The following RGS6 variants were observed in gnomAD, a reference collection of about 807,000 sequenced individuals.
The protein encoded by RGS6 is regulator of G protein signaling 6.
A neutral mutation model predicts 78.5 loss-of-function variants in RGS6; 30 were observed. The observed-to-expected ratio is 0.38, with a 90% CI of 0.29 to 0.52. The LOEUF (loss-of-function observed/expected upper bound fraction) is 0.52, where lower values mean the gene tolerates loss of function less well. Among genes scored for constraint, RGS6 ranks in the 20% least tolerant of loss-of-function variants. RGS6 has a pLI of 0.85. For missense variants in RGS6, 495 were observed against 609.7 expected (o/e 0.81, Z 1.98); for synonymous variants, 206 against 206.0 (o/e 1.00, Z 0.00).
intron 12 of RGS6, among the ~76,000 whole-genome samples, chr14:72,483,979 A>AG (rs1217835760): frequency 6.6e-6 from 1 of 151,092 alleles, no homozygotes; most frequent in Non-Finnish European, 1.5e-5. Context: ...AAAAAAAAAA[A>AG]GCTAGATTAA....
intron 2 of RGS6, among the ~76,000 whole-genome samples, chr14:72,229,650 T>C (rs1170768348): frequency 6.6e-6 from 1 of 152,200 alleles, no homozygotes; most frequent in East Asian, 1.9e-4. Context: ...AGGACTTTGG[T>C]ATGCTAGTGA....
chr14:72,329,657 A>C (rs2074560299), intron 2 of RGS6, among the ~76,000 whole-genome samples: 1 of 152,260 alleles, frequency 6.6e-6, no homozygotes, highest in Admixed American at 6.5e-5. Flanking sequence ...GTAAAGGTTC[A>C]TTTAAGCGTC....
chr14:72,369,545 A>G (rs1489165801), intron 3 of RGS6, among the ~76,000 whole-genome samples: 1 of 152,240 alleles, frequency 6.6e-6, no homozygotes, highest in Non-Finnish European at 1.5e-5. Flanking sequence ...AGTAGATGAC[A>G]CAATGATTTT....
chr14:72,138,107 T>C (rs932610970), intron 2 of RGS6, among the ~76,000 whole-genome samples: 2 of 152,144 alleles, frequency 1.3e-5, no homozygotes, highest in Non-Finnish European at 2.9e-5. Context: ...TTATTATAAA[T>C]CACAATATCA....
At chr14:72,324,490 A>G (rs148620712) in intron 2 of RGS6, among the ~76,000 whole-genome samples, 1,837 of 152,218 alleles carry the variant, frequency 0.012, 69 homozygotes, top group East Asian at 0.086. Context: ...ATATCTCCTA[A>G]TGCTATCCCT....
At chr14:71,928,518 G>A (rs74790815), upstream of RGS6, among the ~76,000 whole-genome samples, 433 of 152,254 alleles carry the variant, frequency 2.8e-3, 7 homozygotes, top group African/African-American at 0.01. Context: ...ATCAATACAT[G>A]CACCAAATGC....
At chr14:72,403,961 C>T (rs920277581) in intron 3 of RGS6, among the ~76,000 whole-genome samples, 5 of 152,148 alleles carry the variant, frequency 3.3e-5, no homozygotes, top group Non-Finnish European at 5.9e-5. Flanking sequence ...TTAAAGATCT[C>T]AGGTTTCTTG....
intron 1 of RGS6, among the ~76,000 whole-genome samples, chr14:71,959,465 T>G (rs543583039): frequency 6.6e-6 from 1 of 152,240 alleles, no homozygotes; most frequent in South Asian, 2.1e-4. Flanking sequence ...ACAGTCAGAG[T>G]TTGATTGCTT....
chr14:72,562,920 G>A lies in RGS6; in HGVS notation c.*453G>A, dbSNP rs2097692431. 4.4e-6 allele frequency: 3 copies of A among 681,252 alleles called. No homozygotes were observed. Among genetic ancestry groups the A allele is most frequent in the South Asian group, 3.5e-5 (2 of 57,906 alleles). The allele number at this position is 681,252 out of a possible 1,614,324, so 42.2% of individuals were successfully genotyped here. A position where few individuals can be genotyped will look rare whatever the true frequency, so the allele number is the denominator to read the frequency against. Reference sequence around the variant, plus strand: ...ATCCAGCATTTGCATCACCTCCCTGGCACCTCCCATAGTTACAGCCACTAC... The same window carrying A: ...ATCCAGCATTTGCATCACCTCCCTGACACCTCCCATAGTTACAGCCACTAC... On this transcript the variant is annotated 3_prime_UTR_variant, in exon 18 of 18. Coordinates refer to ENST00000553525, the MANE Select transcript of RGS6 (RefSeq NM_001204424.2).
At chr14:72,552,369 G>T (rs1476738630) in intron 17 of RGS6, among the ~76,000 whole-genome samples, 1 of 152,230 alleles carries the variant, frequency 6.6e-6, no homozygotes, top group Non-Finnish European at 1.5e-5. Context: ...GAACTGGGGG[G>T]CTTGTCAGCC....
rs566208646 is a variant in RGS6 at position 72,259,751 on chromosome 14, C to CAA, written c.85-92335_85-92334dup. ...TGAAACCTCGTCTCTACTAAAAATA[C>CAA]AAAAAAAAAATTAGCCAGGCGCGGT... is the stretch of plus-strand genomic sequence containing the variant. On this transcript the variant is annotated intron_variant, in intron 2 of 17. Coordinates refer to ENST00000553525, the MANE Select transcript of RGS6 (RefSeq NM_001204424.2). Among the ~76,000 whole-genome samples, 454 of 145,972 alleles carry CAA rather than the reference C, an allele frequency of 3.1e-3. 1 individual carries two copies. Among genetic ancestry groups the CAA allele is most frequent in the African/African-American group, 0.011 (438 of 39,750 alleles).
intron 2 of RGS6, among the ~76,000 whole-genome samples, chr14:72,151,595 G>C (rs994382030): frequency 6.6e-6 from 1 of 152,160 alleles, no homozygotes; most frequent in South Asian, 2.1e-4. Context: ...GTGTGCTTGG[G>C]CGCCATTTTC....
At chr14:72,001,407 A>G (rs886718900) in intron 2 of RGS6, among the ~76,000 whole-genome samples, 32 of 151,952 alleles carry the variant, frequency 2.1e-4, no homozygotes, top group African/African-American at 6.5e-4. Flanking sequence ...AAAAAACGTT[A>G]TGCCCAAATC....
chr14:71,970,314 T>C (rs1383979367), intron 2 of RGS6, among the ~76,000 whole-genome samples: 1 of 152,194 alleles, frequency 6.6e-6, no homozygotes, highest in Non-Finnish European at 1.5e-5. Flanking sequence ...TTCCTTCACC[T>C]ATTCATTTCT....
At chr14:72,461,151 A>G (rs1264018684) in intron 6 of RGS6, among the ~76,000 whole-genome samples, 1 of 152,180 alleles carries the variant, frequency 6.6e-6, no homozygotes, top group East Asian at 1.9e-4. Context: ...CTGGGGCTGA[A>G]AAGACTGCTC....
intron 3 of RGS6, among the ~76,000 whole-genome samples, chr14:72,381,573 A>G (rs1418056557): frequency 6.6e-6 from 1 of 152,182 alleles, no homozygotes; most frequent in Non-Finnish European, 1.5e-5. Flanking sequence ...AATAACAATT[A>G]GAATTCTACA....
chr14:72,203,183 GT>G (rs1269918663), intron 2 of RGS6, among the ~76,000 whole-genome samples: 1 of 152,064 alleles, frequency 6.6e-6, no homozygotes, highest in Non-Finnish European at 1.5e-5. Flanking sequence ...CCCTGATCCT[GT>G]TTTTTAGAGA....
At chr14:72,559,674 C>G (rs1222216150) in intron 17 of RGS6, among the ~76,000 whole-genome samples, 1 of 152,208 alleles carries the variant, frequency 6.6e-6, no homozygotes, top group Non-Finnish European at 1.5e-5. Context: ...GGCCCCTAAG[C>G]TGGTCAGCTG....
At chr14:72,057,756 G>A (rs2093691543) in intron 2 of RGS6, among the ~76,000 whole-genome samples, 1 of 152,258 alleles carries the variant, frequency 6.6e-6, no homozygotes, top group East Asian at 1.9e-4. Context: ...CTGCTCAGAG[G>A]TGGTACAAAG....
Sources: allele counts gnomAD v4.1 joint callset (sites outside exome capture counted in the v4.1 genomes callset), GRCh38; gene constraint gnomAD v4.1.1; transcripts MANE v1.5; gene names NCBI Gene and HGNC (gene_info 2026-07-23, HGNC 2026-07-21).